EPM2A: variants seen among roughly 807,000 people sequenced by gnomAD.
EPM2A encodes EPM2A glucan phosphatase, laforin, also known as laforin.
Under a neutral mutation model 26.5 loss-of-function variants are expected in EPM2A, and 21 were observed. That is an observed-to-expected ratio of 0.79 (90% CI 0.56 to 1.14). The LOEUF is 1.14. Among genes scored for constraint, EPM2A ranks in the 50% most tolerant of loss-of-function variants. The pLI is 0.00. For synonymous variants in EPM2A, 217 were observed against 177.6 expected (o/e 1.22, Z -1.76); for missense variants, 458 against 440.8 (o/e 1.04, Z -0.35).
At chr6:145,729,058 G>A (rs1776351022) in intron 1 of EPM2A, among the ~76,000 whole-genome samples, 2 of 152,222 alleles carry the variant, frequency 1.3e-5, no homozygotes, top group Non-Finnish European at 2.9e-5. Context: ...ATCCTTGGAA[G>A]TTTCCATGTG....
At chr6:145,691,714 TATG>T (rs1781291674) in intron 1 of EPM2A, among the ~76,000 whole-genome samples, 1 of 152,096 alleles carries the variant, frequency 6.6e-6, no homozygotes, top group African/African-American at 2.4e-5. Context: ...ACCAGTCAAC[TATG>T]ATGTTAGGTA....
intron 1 of EPM2A, among the ~76,000 whole-genome samples, chr6:145,710,170 G>A (rs1023287738): frequency 6.6e-6 from 1 of 152,020 alleles, no homozygotes; most frequent in Non-Finnish European, 1.5e-5. Context: ...TACCATCAGA[G>A]TGAACAGGCA....
intron 1 of EPM2A, among the ~76,000 whole-genome samples, chr6:145,731,446 T>C (rs1258156943): frequency 6.6e-6 from 1 of 152,204 alleles, no homozygotes; most frequent in African/African-American, 2.4e-5. Flanking sequence ...AGAGCACATG[T>C]ATGTTTATAG....
chr6:145,449,095 A>G (rs1403315044), intron 4 of EPM2A, among the ~76,000 whole-genome samples: 2 of 152,248 alleles, frequency 1.3e-5, no homozygotes, highest in African/African-American at 2.4e-5. Flanking sequence ...CAGAATGTCT[A>G]ATGATACCTG....
intron 2 of EPM2A, among the ~76,000 whole-genome samples, chr6:145,559,944 T>C (rs1193628527): frequency 6.6e-6 from 1 of 152,152 alleles, no homozygotes; most frequent in South Asian, 2.1e-4. Context: ...AAAGTTTGGC[T>C]TGGTTCAATT....
chr6:145,696,038 T>A (rs943540443), intron 1 of EPM2A, among the ~76,000 whole-genome samples: 12 of 152,062 alleles, frequency 7.9e-5, no homozygotes, highest in Non-Finnish European at 1.8e-4. Context: ...ACAAAACAAG[T>A]CTTTAATAAT....
intron 2 of EPM2A, among the ~76,000 whole-genome samples, chr6:145,563,933 G>A (rs1218276463): frequency 6.6e-6 from 1 of 152,126 alleles, no homozygotes; most frequent in Non-Finnish European, 1.5e-5. Flanking sequence ...TCGGTTCCAG[G>A]ATGCCCAAGG....
At chr6:145,655,860 C>A (rs1264296443) in intron 2 of EPM2A, among the ~76,000 whole-genome samples, 2 of 152,002 alleles carry the variant, frequency 1.3e-5, no homozygotes, top group Non-Finnish European at 2.9e-5. Context: ...AATGTGTGAC[C>A]CTGGAATCAG....
rs9497354 is a variant in EPM2A at position 145,579,738 on chromosome 6, G to A, written c.340+55507C>T. On this transcript the variant is annotated intron_variant, in intron 2 of 3. Transcript: ENST00000450221. ...TGCTATTCACTTTTGGGTTTTGTTC[G>A]GTTGTATGTCTTAGTGTCTTTTTTC... 8.5e-3 allele frequency among the ~76,000 whole-genome samples: 1,299 copies of A among 152,026 alleles called. 20 individuals are homozygous for A. The highest frequency in any genetic ancestry group is 0.03 in the African/African-American group (1,242 of 41,480).
At chr6:145,592,343 T>A (rs1263156381) in intron 2 of EPM2A, among the ~76,000 whole-genome samples, 1 of 151,960 alleles carries the variant, frequency 6.6e-6, no homozygotes, top group Non-Finnish European at 1.5e-5. Flanking sequence ...CATGAACTCA[T>A]CCTTTTTTAT....
intron 1 of EPM2A, chr6:145,721,386 A>G (rs867567277): frequency 6.6e-6 from 1 of 152,208 alleles, no homozygotes; most frequent in African/African-American, 2.4e-5. Flanking sequence ...CAAAAAACTT[A>G]GAAGATATTC....
chr6:145,578,064 G>GT (rs1163649643), intron 2 of EPM2A, among the ~76,000 whole-genome samples: 2 of 151,872 alleles, frequency 1.3e-5, no homozygotes, highest in African/African-American at 4.8e-5. Context: ...TACTAAAAGG[G>GT]AAGTTTTTAG....
At chr6:145,506,686 A>G (rs1288530472) in intron 2 of EPM2A, among the ~76,000 whole-genome samples, 1 of 152,238 alleles carries the variant, frequency 6.6e-6, no homozygotes, top group African/African-American at 2.4e-5. Flanking sequence ...CCCTGTAAGC[A>G]GAGGTTGTAT....
chr6:145,443,260 C>T lies in EPM2A; in HGVS notation c.556-59163G>A, dbSNP rs549921675. ...ACCTTAGAATACATTTTTCTAGTTC[C>T]GTGAAGAATGACATTGGTAGTTTGA... On this transcript the variant is annotated intron_variant, in intron 4 of 4. Transcript: ENST00000638717. Among the ~76,000 whole-genome samples, 17 of 152,194 alleles carry T rather than the reference C, an allele frequency of 1.1e-4. No homozygotes were observed. The South Asian group carries it at 1.7e-3, about 15-fold the overall frequency.
At chr6:145,653,598 G>T (rs936350976) in intron 2 of EPM2A, among the ~76,000 whole-genome samples, 4 of 152,186 alleles carry the variant, frequency 2.6e-5, no homozygotes, top group Admixed American at 6.5e-5. Flanking sequence ...ATTAGGAAAA[G>T]AAATTTATTT....
At chr6:145,699,444 T>C (rs1225939688) in intron 1 of EPM2A, among the ~76,000 whole-genome samples, 2 of 152,112 alleles carry the variant, frequency 1.3e-5, no homozygotes, top group African/African-American at 4.8e-5. Flanking sequence ...GGTGTGCATA[T>C]GAATGTAGAA....
At chr6:145,661,836 A>T (rs1778731983) in intron 2 of EPM2A, among the ~76,000 whole-genome samples, 2 of 152,150 alleles carry the variant, frequency 1.3e-5, no homozygotes, top group Non-Finnish European at 2.9e-5. Context: ...AGCATCTTTG[A>T]TCAATACGTG....
intron 2 of EPM2A, chr6:145,670,825 G>A (rs756574887): frequency 1.0e-4 from 75 of 734,596 alleles, no homozygotes; most frequent in Middle Eastern, 6.9e-4. Flanking sequence ...TAATTTGACC[G>A]TATGAACAGC....
At chr6:145,457,164 T>C (rs1779271955) in intron 4 of EPM2A, among the ~76,000 whole-genome samples, 2 of 152,124 alleles carry the variant, frequency 1.3e-5, no homozygotes, top group African/African-American at 2.4e-5. Flanking sequence ...TTGCCCAAAG[T>C]TTTTCTGCTA....
Sources: allele counts gnomAD v4.1 joint callset (sites outside exome capture counted in the v4.1 genomes callset), GRCh38; gene constraint gnomAD v4.1.1; transcripts MANE v1.5; gene names NCBI Gene and HGNC (gene_info 2026-07-23, HGNC 2026-07-21).